REEP1: variants seen among roughly 807,000 people sequenced by gnomAD.
REEP1 encodes the protein receptor expression-enhancing protein 1.
A neutral mutation model predicts 40.3 loss-of-function variants in REEP1; 22 were observed. The observed-to-expected ratio is 0.55, with a 90% CI of 0.39 to 0.78. The LOEUF (loss-of-function observed/expected upper bound fraction) is 0.78. Ranked by LOEUF, REEP1 falls within the 30% of genes least tolerant of loss-of-function variation. REEP1 has a pLI of 0.00. For missense variants in REEP1, 280 were observed against 361.1 expected, an observed-to-expected ratio of 0.78 and a Z score of 1.82; for synonymous variants, 116 against 139.2, an observed-to-expected ratio of 0.83 and a Z score of 1.17.
chr2:86,301,591 T>G (rs1387434548), intron 1 of REEP1, among the ~76,000 whole-genome samples: 4 of 152,252 alleles, frequency 2.6e-5, no homozygotes, highest in African/African-American at 9.6e-5. Context: ...CATGTTTATA[T>G]TAAACTCTTT....
At position 86,337,267 on chromosome 2, in the gene REEP1, G is replaced by A; in HGVS notation, c.32+212C>T. The stretch of plus-strand genomic sequence containing the variant: ...CCGGCCCAGCCCCCCGCAAGCGGCC[G>A]CCGGCGCCGGCTGCCTCCTGGGCAG... On this transcript the variant is annotated intron_variant, in intron 1 of 8. Transcript: ENST00000538924. This position sits in a 1 kb window ranked among gnomAD's most constrained non-coding sequence, Gnocchi z 5.8. 1 of 268,424 alleles carries A rather than the reference G, an allele frequency of 3.7e-6. No individual in the cohort carries two copies. Among genetic ancestry groups the A allele is most frequent in the Non-Finnish European group, 6.9e-6 (1 of 145,652 alleles). 16.6% of individuals were successfully genotyped at this position (268,424 alleles called of 1,614,324 possible). A position where few individuals can be genotyped will look rare whatever the true frequency, so the allele number is the denominator to read the frequency against.
intron 1 of REEP1, among the ~76,000 whole-genome samples, chr2:86,322,908 T>C (rs888648788): frequency 1.4e-4 from 21 of 151,316 alleles, no homozygotes; most frequent in Non-Finnish European, 1.0e-4. Flanking sequence ...GAGTGAGATG[T>C]TGTCTCTAAA....
chr2:86,264,123 G>A (rs1339738755), intron 2 of REEP1, 82 bp from the exon 3 acceptor site: 71 of 1,005,236 alleles, frequency 7.1e-5, no homozygotes, highest in Non-Finnish European at 9.7e-5. Flanking sequence ...AGGCCCCGGC[G>A]GCAGATACGG....
intron 1 of REEP1, among the ~76,000 whole-genome samples, chr2:86,317,306 G>A (rs1680064069): frequency 6.6e-6 from 1 of 152,142 alleles, no homozygotes; most frequent in South Asian, 2.1e-4. Context: ...ACAAATTTGG[G>A]TTAATCTGAG....
At chr2:86,322,797 A>G (rs577664609) in intron 1 of REEP1, among the ~76,000 whole-genome samples, 47 of 152,024 alleles carry the variant, frequency 3.1e-4, no homozygotes, top group African/African-American at 1.0e-3. Context: ...GTGCACACCT[A>G]TAGTCCTAAC....
In REEP1 at chr2:86,232,699, C is replaced by G. The variant is rs1279009965; in HGVS notation, c.521G>C (p.Gly174Ala). The change falls in exon 6 of 9, where the codon GGG (glycine) becomes GCG (alanine). Residue 174 changes from glycine to alanine, a missense_variant. Physicochemically the swap from Gly to Ala is moderately conservative, Grantham distance 60. This residue lies in a region of REEP1 where 201 missense variants were observed against 238.5 expected (regional missense o/e 0.84). Coordinates refer to ENST00000538924, the MANE Select transcript of REEP1 (RefSeq NM_001371279.1). Reference protein sequence around the residue: ...APAPSGPPPPGSGRASGKHGQ... With the variant: ...APAPSGPPPPASGRASGKHGQ... ...GTGTTTGCCGCTGGCCCGCCCAGAC[C>G]CCGGTGGTGGGGGGCCCGAGGGAGC... 7 of 1,611,492 alleles carry G rather than the reference C, an allele frequency of 4.3e-6. No individual in the cohort carries two copies. The highest frequency in any genetic ancestry group is 5.1e-6 in the Non-Finnish European group (6 of 1,180,006).
intron 6 of REEP1, among the ~76,000 whole-genome samples, chr2:86,229,538 C>T (rs1450065535): frequency 6.6e-6 from 1 of 151,772 alleles, no homozygotes; most frequent in Non-Finnish European, 1.5e-5. Context: ...AGCCCAAGAG[C>T]CTCTGACCCA....
At chr2:86,267,311 G>A (rs770192290) in intron 2 of REEP1, among the ~76,000 whole-genome samples, 9 of 152,158 alleles carry the variant, frequency 5.9e-5, no homozygotes, top group Non-Finnish European at 1.3e-4. Context: ...TTTATAACAG[G>A]TAGTTTCCTT....
At chr2:86,296,381 T>C (rs1477909545) in intron 1 of REEP1, among the ~76,000 whole-genome samples, 1 of 152,212 alleles carries the variant, frequency 6.6e-6, no homozygotes, top group Non-Finnish European at 1.5e-5. Flanking sequence ...CACACCAAGT[T>C]TGTAGCAGAG....
At chr2:86,327,897 G>A (rs761032770) in intron 1 of REEP1, among the ~76,000 whole-genome samples, 4 of 152,078 alleles carry the variant, frequency 2.6e-5, no homozygotes, top group Non-Finnish European at 4.4e-5. Flanking sequence ...ATCACCGGAG[G>A]GACAGGAATA....
chr2:86,236,531 G>A (rs954439332), intron 5 of REEP1, among the ~76,000 whole-genome samples: 5 of 152,050 alleles, frequency 3.3e-5, no homozygotes, highest in Admixed American at 1.3e-4. Flanking sequence ...GCTCTGAGAA[G>A]GCCCATCTGG....
intron 1 of REEP1, among the ~76,000 whole-genome samples, chr2:86,325,629 G>C (rs1200002442): frequency 1.3e-5 from 2 of 152,172 alleles, no homozygotes; most frequent in East Asian, 3.8e-4. Context: ...CAGAAGCAGA[G>C]ACTACAGTAA....
At chr2:86,285,415 A>G (rs1310682353) in intron 1 of REEP1, among the ~76,000 whole-genome samples, 2 of 152,240 alleles carry the variant, frequency 1.3e-5, no homozygotes, top group Non-Finnish European at 2.9e-5. Context: ...TAAAACATTT[A>G]AAATAATATT....
At chr2:86,283,341 C>A (rs1412675853) in intron 1 of REEP1, among the ~76,000 whole-genome samples, 5 of 152,112 alleles carry the variant, frequency 3.3e-5, no homozygotes, top group African/African-American at 7.2e-5. Context: ...ATGAGGTCAC[C>A]CCAGGTGCCA....
intron 1 of REEP1, among the ~76,000 whole-genome samples, chr2:86,283,740 T>C (rs769630314): frequency 2.6e-5 from 4 of 152,210 alleles, no homozygotes; most frequent in Non-Finnish European, 5.9e-5. Flanking sequence ...TTATCCCACT[T>C]AGACTGCCTT....
intron 5 of REEP1, among the ~76,000 whole-genome samples, chr2:86,238,926 T>C (rs905901226): frequency 4.6e-5 from 7 of 152,070 alleles, no homozygotes; most frequent in African/African-American, 1.7e-4. Flanking sequence ...ACCTTGTTCA[T>C]GGCCAGGGAT....
intron 1 of REEP1, among the ~76,000 whole-genome samples, chr2:86,312,088 CACAG>C (rs1411339152): frequency 6.6e-6 from 1 of 152,214 alleles, no homozygotes; most frequent in African/African-American, 2.4e-5. Flanking sequence ...TCCAACTTGA[CACAG>C]ACACACTGCT....
intron 2 of REEP1, among the ~76,000 whole-genome samples, chr2:86,279,256 A>G (rs1259834253): frequency 1.3e-5 from 2 of 152,250 alleles, no homozygotes; most frequent in Non-Finnish European, 2.9e-5. Flanking sequence ...ACAGCGCTGA[A>G]GACGTGTAGA....
At chr2:86,310,027 A>AG (rs1164603817) in intron 1 of REEP1, among the ~76,000 whole-genome samples, 1 of 152,174 alleles carries the variant, frequency 6.6e-6, no homozygotes, top group African/African-American at 2.4e-5. Context: ...ATGATCACCA[A>AG]GCATGTCTGT....
Sources: gnomAD v4.1 joint callset for allele counts (sites outside exome capture counted in the v4.1 genomes callset) on GRCh38, gnomAD v4.1.1 for gene constraint, gnomAD v4.1.1 regional missense constraint, Gnocchi (gnomAD v3.1) non-coding constraint, MANE v1.5 for transcripts, NCBI Gene and HGNC (gene_info 2026-07-23, HGNC 2026-07-21) for gene names.